The following ATM variants were observed in gnomAD, a reference collection of about 807,000 sequenced individuals.
ATM encodes the protein ATM serine/threonine kinase, also known as serine-protein kinase ATM.
A neutral mutation model predicts 387.0 loss-of-function variants in ATM; 308 were observed. The ratio of observed to expected loss-of-function variants is 0.80; its 90% CI spans 0.73 to 0.87. ATM has a LOEUF of 0.87. Ranked by LOEUF, ATM falls within the 40% of genes least tolerant of loss-of-function variation. ATM has a pLI of 0.00. For missense variants in ATM, 3,312 were observed against 3,560.9 expected (o/e 0.93, Z 1.78); for synonymous variants, 1,156 against 1,187.3 (o/e 0.97, Z 0.54).
intron 5 of ATM, among the ~76,000 whole-genome samples, chr11:108,239,378 G>C (rs2079449586): frequency 1.3e-5 from 2 of 152,212 alleles, no homozygotes; most frequent in African/African-American, 2.4e-5. Flanking sequence ...GCAGCCTGAA[G>C]TAGAGGACTC....
intron 7 of ATM, among the ~76,000 whole-genome samples, chr11:108,246,087 G>A (rs1324426676): frequency 3.9e-5 from 6 of 152,156 alleles, no homozygotes; most frequent in African/African-American, 1.4e-4. Flanking sequence ...GCCTCCCAAA[G>A]TGCTGAGATT....
At chr11:108,320,571 T>A (rs2085131182) in intron 44 of ATM, among the ~76,000 whole-genome samples, 2 of 152,236 alleles carry the variant, frequency 1.3e-5, no homozygotes, top group Admixed American at 6.5e-5. Flanking sequence ...ACTGTTAGAC[T>A]CTTTTCATAT....
At chr11:108,267,487 A>G (rs1405889078) in intron 17 of ATM, 145 bp downstream of exon 17, 1 of 554,904 alleles carries the variant, frequency 1.8e-6, no homozygotes, top group East Asian at 3.4e-5. Flanking sequence ...TATATACTTT[A>G]TTTTTTTTTT....
In ATM at chr11:108,324,037, C is replaced by T. The variant is rs529790024; in HGVS notation, c.6573-1273C>T. Among the ~76,000 whole-genome samples, 59 of 127,728 alleles carry T rather than the reference C, an allele frequency of 4.6e-4. 2 individuals are homozygous for T. In the South Asian group the frequency reaches 0.016, roughly 34 times the overall value. 83.8% of individuals were successfully genotyped at this position (127,728 alleles called of 152,430 possible). A position where few individuals can be genotyped will look rare whatever the true frequency, so the allele number is the denominator to read the frequency against. On this transcript the variant is annotated intron_variant, in intron 45 of 62. Coordinates refer to ENST00000675843, the MANE Select transcript of ATM (RefSeq NM_000051.4). ...GGTTTCCATCTATGGATTCAACCAA[C>T]CGCAGATCAAAAATATTTGAAAAAA...
At chr11:108,314,751 C>T (rs620613) in intron 40 of ATM, among the ~76,000 whole-genome samples, 77,181 of 151,962 alleles carry the variant, frequency 0.51, 20,830 homozygotes, top group Middle Eastern at 0.73. Context: ...ATAAACAACA[C>T]AATTTTGTAT....
In ATM at chr11:108,253,866, C is replaced by A. The variant is rs1057521751; in HGVS notation, c.1951C>A (p.Leu651Ile). The A allele has an allele frequency of 6.2e-7, 1 of 1,613,796 alleles. No homozygotes were observed. The highest frequency in any genetic ancestry group is 2.2e-5 in the East Asian group (1 of 44,862). Residue 651 changes from leucine (L) to isoleucine (I), a missense_variant, in exon 13 of 63, where the codon CTA (leucine) becomes ATA (isoleucine). Around this residue, in one of 4 missense-constraint regions of ATM, gnomAD observed 1,791 missense variants for 1,804.5 expected, o/e 0.99. Coordinates refer to ENST00000675843, the MANE Select transcript of ATM (RefSeq NM_000051.4). Reference protein sequence around the residue: ...EELSFSEVEELFLQTTFDKMD... With the variant: ...EELSFSEVEEIFLQTTFDKMD... ...ACTTTCATTCTCAGAAGTAGAAGAA[C>A]TATTTCTTCAGACAACTTTTGACAA...
chr11:108,280,770 A>G (rs1283112544), intron 23 of ATM, among the ~76,000 whole-genome samples: 1 of 152,220 alleles, frequency 6.6e-6, no homozygotes, highest in Non-Finnish European at 1.5e-5. Flanking sequence ...GAATTGACTT[A>G]GTGGAAAGCT....
chr11:108,275,124 C>A (rs1166532016), intron 22 of ATM, among the ~76,000 whole-genome samples: 1 of 152,014 alleles, frequency 6.6e-6, no homozygotes, highest in Admixed American at 6.5e-5. Flanking sequence ...CATGTAATGT[C>A]CTTCTTTGTC....
intron 61 of ATM, among the ~76,000 whole-genome samples, chr11:108,357,283 T>C (rs227052): frequency 0.53 from 79,227 of 149,690 alleles, 21,048 homozygotes; most frequent in Middle Eastern, 0.74. Flanking sequence ...GCAGCTGGCT[T>C]GGAGGGTCCT....
intron 26 of ATM, 23 bp downstream of exon 26, chr11:108,284,496 CT>C: frequency 6.2e-7 from 1 of 1,612,734 alleles, no homozygotes. Context: ...TTTTTATGTA[CT>C]TTTCATTCCC....
In ATM at chr11:108,360,350, T is replaced by C. The variant is rs372772222; in HGVS notation, c.8851-4732T>C. Reference sequence around the variant, plus strand: ...GTCCAGGACCAGATGGATTCACAGCTGAATTCTACCAGAGGTACAAGGAGG... The same window carrying C: ...GTCCAGGACCAGATGGATTCACAGCCGAATTCTACCAGAGGTACAAGGAGG... On this transcript the variant is annotated intron_variant, in intron 61 of 62. Coordinates refer to ENST00000675843, the MANE Select transcript of ATM (RefSeq NM_000051.4). 1.9e-3 allele frequency among the ~76,000 whole-genome samples: 286 copies of C among 151,364 alleles called. 1 individual carries two copies. Among genetic ancestry groups the C allele is most frequent in the African/African-American group, 5.9e-3 (243 of 41,178 alleles).
rs1565519254 is a variant in ATM at position 108,325,552 on chromosome 11, C to A, written c.6807+8C>A. 6.3e-7 allele frequency: 1 copy of A among 1,576,348 alleles called. No homozygotes were observed. Among genetic ancestry groups the A allele is most frequent in the Non-Finnish European group, 8.7e-7 (1 of 1,149,930 alleles). ...ACTTTCAAGAACACTCAGGTAAATA[C>A]AATTTAAAACTATGTCATCTTACCT... On this transcript the variant is annotated splice_region_variant and intron_variant, in intron 46 of 62. Coordinates refer to ENST00000675843, the MANE Select transcript of ATM (RefSeq NM_000051.4).
At chr11:108,246,371 A>G (rs1341210893) in intron 7 of ATM, among the ~76,000 whole-genome samples, 1 of 152,218 alleles carries the variant, frequency 6.6e-6, no homozygotes, top group African/African-American at 2.4e-5. Flanking sequence ...CAGGATGATG[A>G]GGATGCCAGA....
intron 13 of ATM, among the ~76,000 whole-genome samples, chr11:108,254,426 A>G (rs1418659216): frequency 6.6e-6 from 1 of 152,156 alleles, no homozygotes; most frequent in Admixed American, 6.5e-5. Flanking sequence ...CTGAAGAGAG[A>G]TGAGTGATTA....
At position 108,325,411 on chromosome 11, in the gene ATM, C is replaced by T; in HGVS notation, c.6674C>T (p.Ala2225Val). The change falls in exon 46 of 63, where the codon GCT (alanine) becomes GTT (valine). Residue 2225 changes from alanine to valine, a missense_variant. Physicochemically the swap from Ala to Val is moderately conservative, Grantham distance 64. Transcript: ENST00000675843. The part of the protein sequence containing the change: ...SDFSFQEPIM[A>V]LRTVILEILM... Reference sequence around the variant, plus strand: ...TTTAGTTTTCAGGAGCCTATCATGGCTCTACGCACAGTCATTTTGGAGATC... The same window carrying T: ...TTTAGTTTTCAGGAGCCTATCATGGTTCTACGCACAGTCATTTTGGAGATC... The T allele has an allele frequency of 1.2e-6, 2 of 1,613,790 alleles. No homozygotes were observed. Among genetic ancestry groups the T allele is most frequent in the Non-Finnish European group, 1.7e-6 (2 of 1,179,852 alleles).
intron 25 of ATM, 135 bp downstream of exon 25, chr11:108,283,014 G>A: frequency 1.7e-6 from 1 of 581,492 alleles, no homozygotes; most frequent in Non-Finnish European, 3.0e-6. Flanking sequence ...AGTATGAGAA[G>A]CAGGACAGCT....
chr11:108,281,230 G>C (rs2082217102), intron 24 of ATM, 62 bp downstream of exon 24: 2 of 1,552,486 alleles, frequency 1.3e-6, no homozygotes, highest in Admixed American at 3.4e-5. Flanking sequence ...AATTTAAAAA[G>C]TTAAAGCTAG....
In ATM at chr11:108,280,846, G is replaced by T. The variant is rs550111419; in HGVS notation, c.3403-149G>T. On this transcript the variant is annotated intron_variant, in intron 23 of 62. Coordinates refer to ENST00000675843, the MANE Select transcript of ATM (RefSeq NM_000051.4). Reference sequence around the variant, plus strand: ...AAGGTATTGGTCCTTACTCTTTCTTGTACCAAAAGACAGAACTAGGATTAG... The same window carrying T: ...AAGGTATTGGTCCTTACTCTTTCTTTTACCAAAAGACAGAACTAGGATTAG... 41 of 688,100 alleles carry T rather than the reference G, an allele frequency of 6.0e-5. 1 individual carries two copies. The highest frequency in any genetic ancestry group is 4.3e-4 in the African/African-American group (24 of 55,468). The allele number at this position is 688,100 out of a possible 1,614,324, so 42.6% of individuals were successfully genotyped here.
In ATM at chr11:108,366,046, A is replaced by C. The variant is rs1591391056; in HGVS notation, c.*538A>C. 5.7e-6 allele frequency: 1 copy of C among 176,172 alleles called. No individual in the cohort carries two copies. Among genetic ancestry groups the C allele is most frequent in the East Asian group, 9.7e-5 (1 of 10,258 alleles). The allele number at this position is 176,172 out of a possible 1,614,324, so 10.9% of individuals were successfully genotyped here. ...CTCCATCTCAAAAAAAAAAAAAAAA[A>C]AACAGAAACGTATTTGGATTTTTCC... On this transcript the variant is annotated 3_prime_UTR_variant, in exon 63 of 63. Coordinates refer to ENST00000675843, the MANE Select transcript of ATM (RefSeq NM_000051.4).
Sources: gnomAD v4.1 joint callset for allele counts (sites outside exome capture counted in the v4.1 genomes callset) on GRCh38, gnomAD v4.1.1 for gene constraint, gnomAD v4.1.1 regional missense constraint, MANE v1.5 for transcripts, NCBI Gene and HGNC (gene_info 2026-07-23, HGNC 2026-07-21) for gene names.